Variants in NOP14 observed in about 807,000 individuals in gnomAD.
NOP14 encodes the protein nucleolar protein 14.
In NOP14, 57 loss-of-function variants were observed where a neutral mutation model predicts 101.6. The observed-to-expected ratio is 0.56, with a 90% confidence interval of 0.45 to 0.70. The LOEUF (loss-of-function observed/expected upper bound fraction) is 0.70, where lower values mean the gene tolerates loss of function less well. Among genes scored for constraint, NOP14 ranks in the 30% least tolerant of loss-of-function variants. The pLI is 0.00. For synonymous variants in NOP14, 428 were observed against 424.0 expected, an observed-to-expected ratio of 1.01 and a Z score of -0.12; for missense variants, 1,134 against 1,075.5, an observed-to-expected ratio of 1.05 and a Z score of -0.76.
At chr4:2,954,016 C>A (rs1715185729) in intron 4 of NOP14, among the ~76,000 whole-genome samples, 1 of 152,174 alleles carries the variant, frequency 6.6e-6, no homozygotes, top group Admixed American at 6.5e-5. Context: ...CTGCTTGAGC[C>A]TGGTCGACAC....
intron 1 of NOP14, among the ~76,000 whole-genome samples, chr4:2,959,750 C>T (rs965310562): frequency 1.3e-5 from 2 of 152,202 alleles, no homozygotes; most frequent in Admixed American, 1.3e-4. Flanking sequence ...AGAGCGAGAT[C>T]CTGCTGGATG....
chr4:2,956,644 G>A, intron 3 of NOP14, 26 bp downstream of exon 3: 1 of 1,596,062 alleles, frequency 6.3e-7, no homozygotes, highest in Non-Finnish European at 8.5e-7. Flanking sequence ...ACGCCCACAG[G>A]CCCGTGCACA....
chr4:2,956,862 CAAA>C (rs200756250), intron 2 of NOP14, 51 bp from the exon 3 acceptor site: 9 of 1,124,364 alleles, frequency 8.0e-6, no homozygotes, highest in African/African-American at 1.7e-5. Flanking sequence ...CATTTCACAG[CAAA>C]AAAAAAAAGA....
intron 5 of NOP14, among the ~76,000 whole-genome samples, chr4:2,953,048 A>G (rs944771772): frequency 6.6e-6 from 1 of 152,280 alleles, no homozygotes; most frequent in African/African-American, 2.4e-5. Context: ...ACAGATGACC[A>G]CATGACACTA....
chr4:2,952,696 C>T (rs1715108861), intron 5 of NOP14, among the ~76,000 whole-genome samples: 1 of 152,192 alleles, frequency 6.6e-6, no homozygotes, highest in Non-Finnish European at 1.5e-5. Flanking sequence ...AATCCCAGCA[C>T]TTTGGGAGGC....
At chr4:2,959,449 CG>C (rs1475315673) in intron 1 of NOP14, among the ~76,000 whole-genome samples, 2 of 151,622 alleles carry the variant, frequency 1.3e-5, no homozygotes, top group South Asian at 4.2e-4. Context: ...AAAAATTAGC[CG>C]GGTGTGGTGG....
chr4:2,947,655 C>A (rs1217892574), intron 9 of NOP14, 44 bp from the exon 10 acceptor site: 5 of 1,500,318 alleles, frequency 3.3e-6, no homozygotes, highest in Non-Finnish European at 4.6e-6. Flanking sequence ...TGCTCAGCAC[C>A]AAGAACAAAG....
chr4:2,954,127 C>A (rs568242630), intron 4 of NOP14, among the ~76,000 whole-genome samples: 25 of 152,116 alleles, frequency 1.6e-4, no homozygotes, highest in Non-Finnish European at 3.5e-4. Context: ...TCCTTGAGCC[C>A]AGGAGTTTGA....
intron 6 of NOP14, 21 bp downstream of exon 6, chr4:2,952,254 C>G (rs781726585): frequency 1.9e-6 from 3 of 1,612,148 alleles, no homozygotes; most frequent in Non-Finnish European, 2.5e-6. Flanking sequence ...CAGCCCTGCT[C>G]CTGAGGTGCT....
At chr4:2,941,334 TGGA>T (rs1714169948) in intron 15 of NOP14, 1 of 504,814 alleles carries the variant, frequency 2.0e-6, no homozygotes, top group African/African-American at 2.0e-5. Flanking sequence ...TGCGGCCTCT[TGGA>T]GGAAGCACAC....
intron 8 of NOP14, 123 bp downstream of exon 8, chr4:2,949,811 C>A: frequency 8.8e-7 from 1 of 1,135,736 alleles, no homozygotes; most frequent in South Asian, 1.4e-5. Flanking sequence ...TCCAGGCACT[C>A]CCAAGGGCAT....
chr4:2,948,739 G>C (rs1392490353), intron 8 of NOP14, among the ~76,000 whole-genome samples: 4 of 152,238 alleles, frequency 2.6e-5, no homozygotes. Context: ...ACAGGCATGA[G>C]CCACCGCACC....
chr4:2,940,018 G>A (rs1003720055), intron 15 of NOP14, among the ~76,000 whole-genome samples: 13 of 152,234 alleles, frequency 8.5e-5, no homozygotes, highest in African/African-American at 2.9e-4. Flanking sequence ...ACGAAAGGCC[G>A]TGAGCCACTT....
Position 2,938,335 on chromosome 4 carries a change from A to C in NOP14, c.*496T>G. 1.7e-6 allele frequency: 1 copy of C among 591,662 alleles called. No individual in the cohort carries two copies. Among genetic ancestry groups the C allele is most frequent in the Non-Finnish European group, 2.8e-6 (1 of 359,600 alleles). 36.7% of individuals were successfully genotyped at this position (591,662 alleles called of 1,614,324 possible). ...CGGGAATTCGAGACCAGCCTGACCA[A>C]CATGGAGAAACCCCGTCTCTACTAA... is the stretch of plus-strand genomic sequence containing the variant. On this transcript the variant is annotated 3_prime_UTR_variant, in exon 18 of 18. Transcript: ENST00000416614.
chr4:2,957,576 C>G, intron 2 of NOP14, 30 bp downstream of exon 2: 1 of 1,612,304 alleles, frequency 6.2e-7, no homozygotes, highest in Non-Finnish European at 8.5e-7. Flanking sequence ...AAATGTACAG[C>G]AAAAACCCTC....
At chr4:2,939,871 G>C (rs1200845234) in intron 15 of NOP14, among the ~76,000 whole-genome samples, 2 of 152,244 alleles carry the variant, frequency 1.3e-5, no homozygotes, top group Non-Finnish European at 2.9e-5. Flanking sequence ...CTGTCTTCTT[G>C]AAGAGGGAGG....
chr4:2,939,488 A>G (rs368044793), intron 16 of NOP14, 39 bp downstream of exon 16: 11 of 1,604,632 alleles, frequency 6.9e-6, no homozygotes, highest in East Asian at 4.5e-5. Context: ...CACTGAGCCC[A>G]CAGCCCTGGC....
At chr4:2,945,379 A>T in intron 11 of NOP14, 150 bp from the exon 12 acceptor site, 3 of 631,620 alleles carry the variant, frequency 4.7e-6, no homozygotes, top group Non-Finnish European at 8.5e-6. Context: ...GTCACAGAAC[A>T]GGCGTCCAAC....
At chr4:2,950,302 C>G in intron 7 of NOP14, 89 bp from the exon 8 acceptor site, 4 of 1,402,882 alleles carry the variant, frequency 2.9e-6, no homozygotes, top group Non-Finnish European at 3.9e-6. Flanking sequence ...CTGCCCACAT[C>G]AGGGCTTTCT....
Sources: allele counts gnomAD v4.1 joint callset (sites outside exome capture counted in the v4.1 genomes callset), GRCh38; gene constraint gnomAD v4.1.1; transcripts MANE v1.5; gene names NCBI Gene and HGNC (gene_info 2026-07-23, HGNC 2026-07-21).